Variants in ARHGEF12 observed in about 807,000 individuals in gnomAD.
ARHGEF12 encodes the protein Rho guanine nucleotide exchange factor 12, also known as KMT2A/ARHGEF12 fusion protein.
In ARHGEF12, 66 loss-of-function variants were observed where a neutral mutation model predicts 211.2. The observed-to-expected ratio is 0.31, with a 90% CI of 0.26 to 0.38. The LOEUF (loss-of-function observed/expected upper bound fraction) is 0.38, where lower values mean the gene tolerates loss of function less well. ARHGEF12 is among the 10% of genes least tolerant of loss of function. The pLI is 1.00. For missense variants in ARHGEF12, 1,429 were observed against 1,869.5 expected (o/e 0.76, Z 4.34); for synonymous variants, 592 against 638.4 (o/e 0.93, Z 1.09).
intron 6 of ARHGEF12, 116 bp from the exon 7 acceptor site, chr11:120,424,242 A>T: frequency 3.3e-6 from 2 of 598,546 alleles, no homozygotes; most frequent in Admixed American, 6.1e-5. Flanking sequence ...AAATATTTTA[A>T]TGTAATGTGA....
At chr11:120,462,286 G>A (rs919059914) in intron 27 of ARHGEF12, among the ~76,000 whole-genome samples, 1 of 152,152 alleles carries the variant, frequency 6.6e-6, no homozygotes, top group African/African-American at 2.4e-5. Flanking sequence ...TGGGGGAATG[G>A]TCAGTTGGTG....
At chr11:120,346,922 C>T (rs1454384438) in intron 1 of ARHGEF12, among the ~76,000 whole-genome samples, 3 of 152,086 alleles carry the variant, frequency 2.0e-5, no homozygotes, top group Non-Finnish European at 2.9e-5. Flanking sequence ...AAAGTCTGAA[C>T]GTGTGACTTC....
intron 10 of ARHGEF12, among the ~76,000 whole-genome samples, chr11:120,430,758 A>G (rs757438074): frequency 4.6e-5 from 7 of 152,190 alleles, no homozygotes; most frequent in Non-Finnish European, 8.8e-5. Context: ...TAAAAAAATT[A>G]TGTTATAATT....
At chr11:120,479,671 G>C (rs952882608) in intron 37 of ARHGEF12, among the ~76,000 whole-genome samples, 1 of 152,142 alleles carries the variant, frequency 6.6e-6, no homozygotes, top group Non-Finnish European at 1.5e-5. Context: ...GGTTATTGAG[G>C]AGTTCTAAAT....
chr11:120,451,457 T>A (rs539638219), intron 21 of ARHGEF12, 55 bp from the exon 22 acceptor site: 3 of 1,573,788 alleles, frequency 1.9e-6, no homozygotes, highest in African/African-American at 2.7e-5. Context: ...GATTATAGGC[T>A]TGAGCCACCG....
At chr11:120,421,040 G>C (rs1290407225) in intron 5 of ARHGEF12, among the ~76,000 whole-genome samples, 189 bp downstream of exon 5, 1 of 152,098 alleles carries the variant, frequency 6.6e-6, no homozygotes, top group South Asian at 2.1e-4. Flanking sequence ...TTTTGTACTT[G>C]TTAGAAAGAA....
intron 1 of ARHGEF12, chr11:120,385,223 C>A: frequency 1.2e-6 from 1 of 806,940 alleles, no homozygotes; most frequent in Non-Finnish European, 1.5e-6. Context: ...TCTGTCTTTC[C>A]ATTAGCAGCG....
intron 1 of ARHGEF12, among the ~76,000 whole-genome samples, chr11:120,401,843 A>T (rs757263669): frequency 2.6e-5 from 4 of 152,186 alleles, no homozygotes; most frequent in Non-Finnish European, 5.9e-5. Context: ...ATATATTTCT[A>T]TGCATTTTAC....
chr11:120,453,040 G>T (rs189570688), intron 22 of ARHGEF12, among the ~76,000 whole-genome samples: 3 of 151,572 alleles, frequency 2.0e-5, no homozygotes, highest in African/African-American at 7.2e-5. Flanking sequence ...ACAAGATAAT[G>T]GTCCAAAAAT....
Position 120,431,558 on chromosome 11 carries a change from C to T in ARHGEF12, c.784-213C>T, listed in dbSNP as rs548559403. Among the ~76,000 whole-genome samples the T allele has an allele frequency of 7.2e-5, 11 of 152,194 alleles. No individual in the cohort carries two copies. The East Asian group carries it at 2.1e-3, about 29-fold the overall frequency. ...TCTTTTTACCAAAATATCACTTGCCCTGTCTTTAAGGTCATGACATTTTAG... is the reference window on the plus strand; with the variant it reads ...TCTTTTTACCAAAATATCACTTGCCTTGTCTTTAAGGTCATGACATTTTAG... On this transcript the variant is annotated intron_variant, in intron 10 of 40. Transcript: ENST00000397843.
chr11:120,360,239 G>A (rs1943242187), intron 1 of ARHGEF12, among the ~76,000 whole-genome samples: 1 of 152,146 alleles, frequency 6.6e-6, no homozygotes, highest in Non-Finnish European at 1.5e-5. Context: ...GCCAATTAGA[G>A]TAGTCTTGAA....
rs200872764 is a variant in ARHGEF12 at position 120,431,882 on chromosome 11, G to A, written c.895G>A (p.Ala299Thr). 66 of 1,611,168 alleles carry A rather than the reference G, an allele frequency of 4.1e-5. No homozygotes were observed. The highest frequency in any genetic ancestry group is 3.6e-5 in the Non-Finnish European group (42 of 1,179,108). ...LGRTDCSSGDASRPSSDNADS... is the reference protein window; with the variant it reads ...LGRTDCSSGDTSRPSSDNADS... ...CAGGACTGACTGTAGCAGTGGAGAT[G>A]CTTCTCGGCCCAGTAGTGACAATGC... The change falls in exon 11 of 41, where the codon GCT becomes ACT. Residue 299 changes from alanine (A) to threonine (T), a missense_variant. Physicochemically the swap from Ala to Thr is moderately conservative, Grantham distance 58 (BLOSUM62 0). Transcript: ENST00000397843.
At chr11:120,436,589 A>G (rs1482273562) in intron 11 of ARHGEF12, among the ~76,000 whole-genome samples, 1 of 152,194 alleles carries the variant, frequency 6.6e-6, no homozygotes, top group Non-Finnish European at 1.5e-5. Flanking sequence ...CCATTTATCA[A>G]AATATTCAGG....
At chr11:120,462,104 G>C (rs1378014010) in intron 27 of ARHGEF12, among the ~76,000 whole-genome samples, 1 of 152,096 alleles carries the variant, frequency 6.6e-6, no homozygotes, top group African/African-American at 2.4e-5. Flanking sequence ...CCAAATCTCA[G>C]CTTTTGACAT....
intron 16 of ARHGEF12, among the ~76,000 whole-genome samples, chr11:120,445,821 A>T (rs1418198685): frequency 6.6e-6 from 1 of 151,260 alleles, no homozygotes; most frequent in Admixed American, 6.6e-5. Flanking sequence ...TTGCTTGAAC[A>T]CAGGAGGCGG....
chr11:120,385,244 C>T, intron 1 of ARHGEF12: 4 of 960,584 alleles, frequency 4.2e-6, no homozygotes, highest in Non-Finnish European at 5.0e-6. Context: ...CAGTGTTGGG[C>T]TTCGAATGAT....
chr11:120,407,895 CG>C lies in ARHGEF12; in HGVS notation c.142+73del, dbSNP rs2135579568. On this transcript the variant is annotated intron_variant, in intron 3 of 40. Coordinates refer to ENST00000397843, the MANE Select transcript of ARHGEF12 (RefSeq NM_015313.3). ...TCAGAATAATAGAGCTTAAGCTACC[CG>C]AAACACTCAGGAATAGTTGTTTGAT... The C allele has an allele frequency of 7.9e-6, 10 of 1,273,016 alleles. 1 individual carries two copies. In the South Asian group the frequency reaches 1.3e-4, roughly 16 times the overall value. 78.9% of individuals were successfully genotyped at this position (1,273,016 alleles called of 1,614,324 possible).
intron 1 of ARHGEF12, among the ~76,000 whole-genome samples, chr11:120,377,839 T>C (rs1943772755): frequency 1.3e-5 from 2 of 152,212 alleles, no homozygotes; most frequent in African/African-American, 4.8e-5. Flanking sequence ...CTGTAAGTTT[T>C]TGTGTGGCAT....
chr11:120,435,675 C>T (rs1247973235), intron 11 of ARHGEF12, among the ~76,000 whole-genome samples: 3 of 151,758 alleles, frequency 2.0e-5, no homozygotes, highest in South Asian at 2.1e-4. Flanking sequence ...CTACCATGCC[C>T]GGCTAATTTT....
Sources: gnomAD v4.1 joint callset for allele counts (sites outside exome capture counted in the v4.1 genomes callset) on GRCh38, gnomAD v4.1.1 for gene constraint, MANE v1.5 for transcripts, NCBI Gene and HGNC (gene_info 2026-07-23, HGNC 2026-07-21) for gene names.